PCDHA2: variants seen among roughly 807,000 people sequenced by gnomAD.
PCDHA2 encodes protocadherin alpha-2.
In PCDHA2, 58 loss-of-function variants were observed where a neutral mutation model predicts 66.0. The observed-to-expected ratio is 0.88, with a 90% CI of 0.71 to 1.09. The LOEUF is 1.09. Ranked by LOEUF, PCDHA2 falls within the 50% of genes least tolerant of loss-of-function variation. PCDHA2 has a pLI of 0.00. For missense variants in PCDHA2, 1,267 were observed against 1,242.3 expected (o/e 1.02, Z -0.30); for synonymous variants, 634 against 554.0 (o/e 1.14, Z -2.03).
chr5:140,820,836 G>C (rs1389375569), intron 1 of PCDHA2, among the ~76,000 whole-genome samples: 5 of 151,896 alleles, frequency 3.3e-5, no homozygotes. Context: ...ATCAGTAATA[G>C]CAACTTGAAG....
intron 1 of PCDHA2, among the ~76,000 whole-genome samples, chr5:140,886,261 T>C (rs1162814294): frequency 1.3e-5 from 2 of 152,036 alleles, no homozygotes; most frequent in African/African-American, 4.8e-5. Context: ...TCTCTATTTA[T>C]AGATAAAATT....
intron 1 of PCDHA2, among the ~76,000 whole-genome samples, chr5:140,833,751 A>AC (rs1562332508): frequency 1.3e-5 from 2 of 151,248 alleles, no homozygotes; most frequent in African/African-American, 2.4e-5. Context: ...CTAAAAAGAA[A>AC]ACACACACAC....
chr5:140,969,314 G>A (rs200006206), intron 1 of PCDHA2: 2 of 1,614,032 alleles, frequency 1.2e-6, no homozygotes, highest in Non-Finnish European at 1.7e-6. Context: ...CAAAAATGAG[G>A]CTGTTTCTCA....
At chr5:140,929,293 A>G in intron 1 of PCDHA2, 1 of 1,594,458 alleles carries the variant, frequency 6.3e-7, no homozygotes, top group Non-Finnish European at 8.6e-7. Flanking sequence ...GATTCGGAAT[A>G]GGAAAGGGGA....
At chr5:140,870,657 G>T (rs782619046) in intron 1 of PCDHA2, 1 of 1,612,514 alleles carries the variant, frequency 6.2e-7, no homozygotes, top group Non-Finnish European at 8.5e-7. Context: ...AGGTGTACGC[G>T]CTGCAGCCGT....
chr5:140,862,553 C>T (rs561370771), intron 1 of PCDHA2: 12 of 463,418 alleles, frequency 2.6e-5, no homozygotes, highest in Non-Finnish European at 4.4e-5. Context: ...AGTGGCCGAA[C>T]AGTGAACCAC....
At position 140,801,543 on chromosome 5, in the gene PCDHA2, G is replaced by T. The variant is rs369003662; in HGVS notation, c.2388+4191G>T. On this transcript the variant is annotated intron_variant, in intron 1 of 3. Transcript: ENST00000526136. ...GGTGATCGTGGACAGGCCGCTGCAG[G>T]TTTTCCATGTGGAGGTGGAAGTGAA... 3.1e-6 allele frequency: 5 copies of T among 1,614,140 alleles called. No homozygotes were observed. The African/African-American group carries it at 6.7e-5, about 22-fold the overall frequency.
chr5:140,851,036 T>C lies in PCDHA2; in HGVS notation c.2388+53684T>C. 2 of 1,401,900 alleles carry C rather than the reference T, an allele frequency of 1.4e-6. 1 individual carries two copies. The highest frequency in any genetic ancestry group is 3.7e-5 in the South Asian group (2 of 53,334). 86.8% of individuals were successfully genotyped at this position (1,401,900 alleles called of 1,614,324 possible). The stretch of plus-strand genomic sequence containing the variant: ...TTCTGATAAAGTAAACCCCTTAACA[T>C]TGGAGCCGACTTTGTCTTGACTTCT... On this transcript the variant is annotated intron_variant, in intron 1 of 3. Transcript: ENST00000526136.
chr5:140,999,338 G>T (rs1451765927), intron 3 of PCDHA2, among the ~76,000 whole-genome samples: 2 of 152,126 alleles, frequency 1.3e-5, no homozygotes, highest in African/African-American at 2.4e-5. Context: ...TGATTTATAA[G>T]CCTTGTCTCT....
In PCDHA2 at chr5:140,833,703, A is replaced by C. The variant is rs1170521350; in HGVS notation, c.2388+36351A>C. On this transcript the variant is annotated intron_variant, in intron 1 of 3. Transcript: ENST00000526136. ...AACCTTCTCTTATTTTGTTTTCCCA[A>C]GAGAAGTGTCTGGATAGTTGCTAAT... Among the ~76,000 whole-genome samples the C allele has an allele frequency of 3.9e-5, 6 of 152,270 alleles. No homozygotes were observed. In the South Asian group the frequency reaches 8.3e-4, roughly 21 times the overall value.
chr5:140,852,589 T>TA (rs1324602977), intron 1 of PCDHA2: 6 of 884,534 alleles, frequency 6.8e-6, no homozygotes, highest in African/African-American at 2.0e-5. Flanking sequence ...TTTATTTTTT[T>TA]TTTTTGTCAT....
At position 140,832,519 on chromosome 5, in the gene PCDHA2, T is replaced by A. The variant is rs114374646; in HGVS notation, c.2388+35167T>A. 4.8e-3 allele frequency among the ~76,000 whole-genome samples: 727 copies of A among 152,336 alleles called. 10 individuals are homozygous for A. The highest frequency in any genetic ancestry group is 0.017 in the African/African-American group (702 of 41,586). ...GTGGCAGAATTGTCTCTGATTATAC[T>A]GAAGATCACCATTTGTGTAGCTAAT... is the stretch of plus-strand genomic sequence containing the variant. On this transcript the variant is annotated intron_variant, in intron 1 of 3. Coordinates refer to ENST00000526136, the MANE Select transcript of PCDHA2 (RefSeq NM_018905.3).
At chr5:140,884,104 G>A in intron 1 of PCDHA2, 3 of 1,613,464 alleles carry the variant, frequency 1.9e-6, no homozygotes, top group African/African-American at 1.3e-5. Flanking sequence ...ATGAATTGCA[G>A]CTGGCGGCGG....
intron 1 of PCDHA2, among the ~76,000 whole-genome samples, chr5:140,963,002 A>G (rs921334790): frequency 7.2e-5 from 11 of 152,242 alleles, no homozygotes; most frequent in African/African-American, 2.2e-4. Flanking sequence ...TACTAAAAAT[A>G]AGATCTGAAG....
chr5:141,003,648 G>A lies in PCDHA2; in HGVS notation c.2537-5979G>A, dbSNP rs1314983871. On this transcript the variant is annotated intron_variant, in intron 3 of 3. Transcript: ENST00000526136. ...GTTTTTAAAGTAGAAGTGAAGATCTGTATGCATTTATTAAAATATATGTTG... is the reference window on the plus strand; with the variant it reads ...GTTTTTAAAGTAGAAGTGAAGATCTATATGCATTTATTAAAATATATGTTG... Among the ~76,000 whole-genome samples the A allele has an allele frequency of 3.3e-5, 5 of 152,226 alleles. No individual in the cohort carries two copies. In the South Asian group the frequency reaches 6.2e-4, roughly 19 times the overall value.
At chr5:140,815,977 T>C (rs1431471827) in intron 1 of PCDHA2, 1 of 152,222 alleles carries the variant, frequency 6.6e-6, no homozygotes, top group Non-Finnish European at 1.5e-5. Context: ...TTGTACGTGA[T>C]GAGGCATTTT....
intron 1 of PCDHA2, chr5:140,824,418 A>G: frequency 3.9e-6 from 2 of 513,258 alleles, no homozygotes; most frequent in South Asian, 2.8e-5. Context: ...CATAGTTTGG[A>G]GTCATTCTCA....
chr5:140,816,388 A>T (rs1012535188), intron 1 of PCDHA2: 2 of 152,194 alleles, frequency 1.3e-5, no homozygotes, highest in African/African-American at 2.4e-5. Context: ...TGAAATTCTG[A>T]TTCTGCTTAT....
intron 1 of PCDHA2, chr5:140,807,173 T>C (rs782419612): frequency 7.5e-6 from 12 of 1,609,318 alleles, no homozygotes; most frequent in Non-Finnish European, 1.0e-5. Context: ...CAGAACAAAA[T>C]ACTGTGCACT....
Sources: allele counts gnomAD v4.1 joint callset (sites outside exome capture counted in the v4.1 genomes callset), GRCh38; gene constraint gnomAD v4.1.1; transcripts MANE v1.5; gene names NCBI Gene and HGNC (gene_info 2026-07-23, HGNC 2026-07-21).